ROR1: variants seen among roughly 807,000 people sequenced by gnomAD.
The protein encoded by ROR1 is ROR family WNT receptor 1.
Under a neutral mutation model 78.8 loss-of-function variants are expected in ROR1, and 19 were observed. The observed-to-expected ratio is 0.24, with a 90% CI of 0.17 to 0.35. ROR1 has a LOEUF of 0.35. Ranked by LOEUF, ROR1 falls within the 10% of genes least tolerant of loss-of-function variation. ROR1 has a pLI of 1.00. For synonymous variants in ROR1, 386 were observed against 433.6 expected (o/e 0.89, Z 1.36); for missense variants, 917 against 1,177.8 (o/e 0.78, Z 3.24).
intron 1 of ROR1, among the ~76,000 whole-genome samples, chr1:63,845,214 T>C (rs895412979): frequency 6.6e-6 from 1 of 152,198 alleles, no homozygotes; most frequent in African/African-American, 2.4e-5. Context: ...TTAAGAACTT[T>C]CAAATAATTA....
intron 1 of ROR1, among the ~76,000 whole-genome samples, chr1:63,931,970 C>T (rs765526394): frequency 2.6e-5 from 4 of 152,180 alleles, no homozygotes; most frequent in Non-Finnish European, 4.4e-5. Flanking sequence ...CAGGCATCCA[C>T]TGGGGTCTAG....
At chr1:64,028,847 A>G (rs912745539) in intron 2 of ROR1, 1 of 152,188 alleles carries the variant, frequency 6.6e-6, no homozygotes, top group Admixed American at 6.5e-5. Context: ...ATTATTGCCT[A>G]TAATACCCCT....
chr1:64,074,686 A>G (rs1447763666), intron 4 of ROR1, among the ~76,000 whole-genome samples: 1 of 152,202 alleles, frequency 6.6e-6, no homozygotes, highest in Non-Finnish European at 1.5e-5. Context: ...ATGGGTGGGG[A>G]AAATCCACAC....
intron 1 of ROR1, among the ~76,000 whole-genome samples, chr1:63,978,804 A>G (rs1646184401): frequency 6.6e-6 from 1 of 152,210 alleles, no homozygotes; most frequent in South Asian, 2.1e-4. Context: ...ACCAATATAT[A>G]TAAAGAGATT....
intron 1 of ROR1, among the ~76,000 whole-genome samples, chr1:64,004,455 G>C (rs1646411927): frequency 6.6e-6 from 1 of 152,198 alleles, no homozygotes; most frequent in South Asian, 2.1e-4. Context: ...CTTGGGCCTT[G>C]AGGGCCCACC....
At chr1:63,928,522 A>G (rs1645726108) in intron 1 of ROR1, among the ~76,000 whole-genome samples, 1 of 152,222 alleles carries the variant, frequency 6.6e-6, no homozygotes, top group African/African-American at 2.4e-5. Flanking sequence ...TATGCCCAGT[A>G]TCCCACAAAA....
At chr1:63,861,553 G>A (rs2100345548) in intron 1 of ROR1, among the ~76,000 whole-genome samples, 1 of 152,314 alleles carries the variant, frequency 6.6e-6, no homozygotes, top group East Asian at 1.9e-4. Flanking sequence ...CAGGTCTGTA[G>A]GAAATACCAC....
chr1:63,808,702 G>A (rs1644843364), intron 1 of ROR1, among the ~76,000 whole-genome samples: 1 of 152,190 alleles, frequency 6.6e-6, no homozygotes, highest in South Asian at 2.1e-4. Context: ...CTGGCTGCAA[G>A]GAGGCTGTGG....
chr1:63,831,500 G>A (rs1644988493), intron 1 of ROR1, among the ~76,000 whole-genome samples: 1 of 152,226 alleles, frequency 6.6e-6, no homozygotes, highest in African/African-American at 2.4e-5. Flanking sequence ...TGCCTGAGCT[G>A]TACTTTGGCC....
intron 4 of ROR1, among the ~76,000 whole-genome samples, chr1:64,067,003 G>T (rs1366856952): frequency 6.6e-6 from 1 of 151,838 alleles, no homozygotes; most frequent in Non-Finnish European, 1.5e-5. Context: ...ACTCCAGTGT[G>T]TACCTGTAGT....
intron 1 of ROR1, among the ~76,000 whole-genome samples, chr1:63,787,127 A>G (rs1644693214): frequency 6.6e-6 from 1 of 152,096 alleles, no homozygotes; most frequent in South Asian, 2.1e-4. Context: ...TGGCATATCC[A>G]GCTCAGACTC....
At chr1:64,118,552 G>A (rs1335370445) in intron 4 of ROR1, among the ~76,000 whole-genome samples, 1 of 149,386 alleles carries the variant, frequency 6.7e-6, no homozygotes, top group African/African-American at 2.5e-5. Context: ...GCTTGAACCG[G>A]GACTCGGGAG....
intron 1 of ROR1, among the ~76,000 whole-genome samples, chr1:63,900,954 C>T (rs1362998017): frequency 6.6e-6 from 1 of 152,162 alleles, no homozygotes; most frequent in Admixed American, 6.6e-5. Context: ...CACATATCCT[C>T]ATAATGAGCT....
At position 64,127,742 on chromosome 1, in the gene ROR1, T is replaced by A. The variant is rs556039413; in HGVS notation, c.483-9627T>A. Reference sequence around the variant, plus strand: ...CATAGAATAAAATCTCAATAGGGCATAATGGTAGGAAGAAGAAATGAAGAG... The same window carrying A: ...CATAGAATAAAATCTCAATAGGGCAAAATGGTAGGAAGAAGAAATGAAGAG... On this transcript the variant is annotated intron_variant, in intron 4 of 8. Transcript: ENST00000371079. 5.5e-4 allele frequency among the ~76,000 whole-genome samples: 83 copies of A among 152,290 alleles called. 1 individual carries two copies. The Middle Eastern group carries it at 0.01, about 19-fold the overall frequency.
chr1:64,128,756 T>A (rs1648807688), intron 4 of ROR1, among the ~76,000 whole-genome samples: 1 of 152,108 alleles, frequency 6.6e-6, no homozygotes, highest in South Asian at 2.1e-4. Flanking sequence ...ATACAGAGTA[T>A]GCCTGATGAG....
intron 1 of ROR1, among the ~76,000 whole-genome samples, chr1:63,793,481 A>T (rs116292863): frequency 1.7e-3 from 262 of 152,352 alleles, no homozygotes; most frequent in African/African-American, 5.6e-3. Flanking sequence ...AAAATATCAC[A>T]TGTGCTCTGA....
chr1:63,816,817 T>C (rs1318533050), intron 1 of ROR1, among the ~76,000 whole-genome samples: 1 of 152,196 alleles, frequency 6.6e-6, no homozygotes, highest in Non-Finnish European at 1.5e-5. Flanking sequence ...ATGGGCTTTT[T>C]GTAAGGATTG....
At chr1:63,775,177 G>T (rs1322813545) in intron 1 of ROR1, 1 of 151,956 alleles carries the variant, frequency 6.6e-6, no homozygotes, top group Admixed American at 6.5e-5. Flanking sequence ...GTGTGCACGC[G>T]CGCGCGCGCG....
chr1:64,017,611 C>A (rs1242689934), intron 2 of ROR1, among the ~76,000 whole-genome samples: 1 of 152,136 alleles, frequency 6.6e-6, no homozygotes, highest in African/African-American at 2.4e-5. Flanking sequence ...GTCTTTCCAG[C>A]CGGTTATTCC....
Sources: gnomAD v4.1 joint callset for allele counts (sites outside exome capture counted in the v4.1 genomes callset) on GRCh38, gnomAD v4.1.1 for gene constraint, MANE v1.5 for transcripts, NCBI Gene and HGNC (gene_info 2026-07-23, HGNC 2026-07-21) for gene names.